Variants in GNE observed in about 807,000 individuals in gnomAD.
GNE encodes glucosamine (UDP-N-acetyl)-2-epimerase/N-acetylmannosamine kinase.
Under a neutral mutation model 61.8 loss-of-function variants are expected in GNE, and 41 were observed. That is an observed-to-expected ratio of 0.66 (90% CI 0.52 to 0.86). The LOEUF is 0.86. Ranked by LOEUF, GNE falls within the 40% of genes least tolerant of loss-of-function variation. GNE has a pLI of 0.00. For synonymous variants in GNE, 264 were observed against 326.4 expected (o/e 0.81, Z 2.06); for missense variants, 608 against 909.1 (o/e 0.67, Z 4.26).
At chr9:36,220,984 A>G (rs1828557714) in intron 9 of GNE, among the ~76,000 whole-genome samples, 3 of 152,192 alleles carry the variant, frequency 2.0e-5, no homozygotes, top group Non-Finnish European at 4.4e-5. Context: ...CAAGTTTGCT[A>G]AAACTGTGTC....
chr9:36,267,264 A>G (rs4242701), intron 1 of GNE, among the ~76,000 whole-genome samples: 56,415 of 152,120 alleles, frequency 0.37, 11,065 homozygotes, highest in Non-Finnish European at 0.44. Flanking sequence ...GAATCAGTTT[A>G]TCATGCCGAC....
At chr9:36,272,388 G>A (rs543107142) in intron 1 of GNE, among the ~76,000 whole-genome samples, 70 of 151,668 alleles carry the variant, frequency 4.6e-4, no homozygotes, top group Admixed American at 8.5e-4. Context: ...TTGGGAGGCC[G>A]AGGCAGGTGG....
intron 1 of GNE, 60 bp from the exon 2 acceptor site, chr9:36,249,457 T>A: frequency 9.6e-7 from 1 of 1,042,106 alleles, no homozygotes; most frequent in Non-Finnish European, 1.4e-6. Context: ...AACTAAACTT[T>A]AAACTTCTCT....
intron 3 of GNE, among the ~76,000 whole-genome samples, chr9:36,238,259 CT>C (rs1299538538): frequency 6.6e-6 from 1 of 152,134 alleles, no homozygotes; most frequent in Non-Finnish European, 1.5e-5. Context: ...GTGCAAGTAT[CT>C]TTTTCAAATA....
chr9:36,258,384 G>A lies in GNE; in HGVS notation c.-106C>T, dbSNP rs1313019338. The A allele has an allele frequency of 1.0e-6, 1 of 985,548 alleles. No individual in the cohort carries two copies. Among genetic ancestry groups the A allele is most frequent in the Non-Finnish European group, 1.2e-6 (1 of 830,018 alleles). 61.1% of individuals were successfully genotyped at this position (985,548 alleles called of 1,614,324 possible). ...GCTCCTCGGGCGAGGGACGAACCAA[G>A]CGCCACGAAGCAGGCAGAGCGCGAG... On this transcript the variant is annotated 5_prime_UTR_variant, in exon 1 of 12. Coordinates refer to ENST00000642385, the MANE Select transcript of GNE (RefSeq NM_005476.7).
At chr9:36,243,118 C>T (rs957471957) in intron 3 of GNE, among the ~76,000 whole-genome samples, 1 of 152,082 alleles carries the variant, frequency 6.6e-6, no homozygotes, top group Non-Finnish European at 1.5e-5. Flanking sequence ...AATCATGGCT[C>T]ACTTCAGTCT....
At chr9:36,257,725 C>T (rs977614511) in intron 1 of GNE, among the ~76,000 whole-genome samples, 3 of 136,702 alleles carry the variant, frequency 2.2e-5, no homozygotes, top group African/African-American at 8.4e-5. Flanking sequence ...ATGGCGTGAA[C>T]CTGGGAGGCG....
At chr9:36,257,492 C>T (rs7042395) in intron 1 of GNE, among the ~76,000 whole-genome samples, 114,176 of 151,678 alleles carry the variant, frequency 0.75, 43,445 homozygotes, top group Non-Finnish European at 0.8. Flanking sequence ...TGTGTTCTAA[C>T]AATTTTACAA....
chr9:36,253,102 C>T (rs1351195399), intron 1 of GNE, among the ~76,000 whole-genome samples: 2 of 151,946 alleles, frequency 1.3e-5, no homozygotes, highest in Non-Finnish European at 2.9e-5. Flanking sequence ...GCGGAGCTTG[C>T]GGTGAGCCAA....
chr9:36,270,381 A>G (rs905804994), intron 1 of GNE, among the ~76,000 whole-genome samples: 1 of 152,146 alleles, frequency 6.6e-6, no homozygotes, highest in Non-Finnish European at 1.5e-5. Context: ...GTTTTTTATT[A>G]TACAAACTAT....
At chr9:36,274,069 TGTGTGTGTG>T (rs1831152510) in intron 1 of GNE, among the ~76,000 whole-genome samples, 1 of 172 alleles carries the variant, frequency 5.8e-3, no homozygotes, top group Non-Finnish European at 0.036. Context: ...TCTATGGTAC[TGTGTGTGTG>T]TGTGTGTGTG....
chr9:36,240,204 A>T (rs542119184), intron 3 of GNE, among the ~76,000 whole-genome samples: 13 of 152,248 alleles, frequency 8.5e-5, no homozygotes, highest in African/African-American at 2.9e-4. Flanking sequence ...CATGTTGAAG[A>T]GGAGTGGTGA....
intron 1 of GNE, chr9:36,276,871 C>G: frequency 1.3e-6 from 2 of 1,566,454 alleles, no homozygotes; most frequent in Non-Finnish European, 1.8e-6. Flanking sequence ...TAATAAAGCT[C>G]TATTGAATTC....
chr9:36,223,474 A>G lies in GNE; in HGVS notation c.1310T>C (p.Phe437Ser), dbSNP rs370478702. The change falls in exon 8 of 12, where the codon TTC becomes TCC. Residue 437 changes from phenylalanine (F) to serine (S), a missense_variant. Transcript: ENST00000642385. ...KGEIVKKYTQFNPKTYEERIN... is the reference protein window; with the variant it reads ...KGEIVKKYTQSNPKTYEERIN... The stretch of plus-strand genomic sequence containing the variant: ...CCTCTCTTCATAGGTTTTAGGATTG[A>G]ACTGAGTATACTTCTTAACTATTTC... 6.2e-7 allele frequency: 1 copy of G among 1,611,070 alleles called. No homozygotes were observed. The highest frequency in any genetic ancestry group is 8.5e-7 in the Non-Finnish European group (1 of 1,177,816).
chr9:36,263,538 A>G (rs1365941913), intron 1 of GNE: 1 of 153,178 alleles, frequency 6.5e-6, no homozygotes, highest in African/African-American at 2.4e-5. Context: ...TCCAGCCCAC[A>G]TCTCTCTGAA....
chr9:36,234,060 T>G lies in GNE; in HGVS notation c.842A>C (p.His281Pro). Reference protein sequence around the residue: ...EHHPNFRAVKHVPFDQFIQLV... With the variant: ...EHHPNFRAVKPVPFDQFIQLV... The stretch of plus-strand genomic sequence containing the variant: ...CTGTATAAACTGGTCAAATGGGACG[T>G]GTTTAACTGCACGAAAGTTGGGATG... Residue 281 changes from histidine to proline, a missense_variant, in exon 5 of 12, where the codon CAC (histidine) becomes CCC (proline). Physicochemically the swap from His to Pro is moderately conservative, Grantham distance 77. Coordinates refer to ENST00000642385, the MANE Select transcript of GNE (RefSeq NM_005476.7). The G allele has an allele frequency of 6.2e-7, 1 of 1,614,008 alleles. No individual in the cohort carries two copies. The highest frequency in any genetic ancestry group is 8.5e-7 in the Non-Finnish European group (1 of 1,179,834).
At chr9:36,272,593 C>T (rs1002809850) in intron 1 of GNE, among the ~76,000 whole-genome samples, 3 of 139,052 alleles carry the variant, frequency 2.2e-5, no homozygotes, top group Non-Finnish European at 3.0e-5. Context: ...TGCACTCCAG[C>T]CTGGGCGACA....
At chr9:36,268,560 C>T (rs1055968051) in intron 1 of GNE, among the ~76,000 whole-genome samples, 6 of 151,846 alleles carry the variant, frequency 4.0e-5, no homozygotes, top group South Asian at 2.1e-4. Context: ...ACTAGCTACT[C>T]GGGAGGCTGA....
Position 36,217,094 on chromosome 9 carries a change from C to T in GNE, c.*271G>A. 1 of 493,326 alleles carries T rather than the reference C, an allele frequency of 2.0e-6. No individual in the cohort carries two copies. The highest frequency in any genetic ancestry group is 2.1e-5 in the South Asian group (1 of 48,298). 30.6% of individuals were successfully genotyped at this position (493,326 alleles called of 1,614,324 possible). Reference sequence around the variant, plus strand: ...GAAGGCTTCCTCTCTATTATTGTAGCTGCTTTGGCACAGAAAATTGTGACT... The same window carrying T: ...GAAGGCTTCCTCTCTATTATTGTAGTTGCTTTGGCACAGAAAATTGTGACT... On this transcript the variant is annotated 3_prime_UTR_variant, in exon 12 of 12. Transcript: ENST00000642385.
Sources: allele counts gnomAD v4.1 joint callset (sites outside exome capture counted in the v4.1 genomes callset), GRCh38; gene constraint gnomAD v4.1.1; transcripts MANE v1.5; gene names NCBI Gene and HGNC (gene_info 2026-07-23, HGNC 2026-07-21).